RAI1: variants seen among roughly 807,000 people sequenced by gnomAD.
RAI1 encodes retinoic acid induced 1.
RAI1 carries 9 observed loss-of-function variants against 123.8 expected under a neutral mutation model. The ratio of observed to expected loss-of-function variants is 0.07; its 90% CI spans 0.04 to 0.13. The LOEUF is 0.13. Ranked by LOEUF, RAI1 falls within the 10% of genes least tolerant of loss-of-function variation. The pLI is 1.00. For synonymous variants in RAI1, 1,231 were observed against 1,127.3 expected (o/e 1.09, Z -1.84); for missense variants, 2,256 against 2,545.8 (o/e 0.89, Z 2.45).
Position 17,810,103 on chromosome 17 carries a change from A to G in RAI1, c.*122A>G. On this transcript the variant is annotated 3_prime_UTR_variant, in exon 6 of 6. Coordinates refer to ENST00000353383, the MANE Select transcript of RAI1 (RefSeq NM_030665.4). The surrounding 1 kb of genome is among the most constrained non-coding windows in gnomAD (Gnocchi z 4.6). ...TGCTCCCAGCGCTGGTCCAGAGCCG[A>G]TCCTTGATCCGGGTCCCGGATCGTG... is the stretch of plus-strand genomic sequence containing the variant. 1 of 1,326,882 alleles carries G rather than the reference A, an allele frequency of 7.5e-7. No individual in the cohort carries two copies. The highest frequency in any genetic ancestry group is 1.0e-6 in the Non-Finnish European group (1 of 990,942). The allele number at this position is 1,326,882 out of a possible 1,614,324, so 82.2% of individuals were successfully genotyped here. A position where few individuals can be genotyped will look rare whatever the true frequency, so the allele number is the denominator to read the frequency against.
At position 17,796,784 on chromosome 17, in the gene RAI1, C is replaced by T; in HGVS notation, c.3836C>T (p.Ala1279Val). Residue 1279 changes from alanine (A) to valine (V), a missense_variant, in exon 3 of 6, where the codon GCC becomes GTC. Ala to Val is a moderately conservative substitution (Grantham distance 64, BLOSUM62 0). Around this residue, in one of 7 missense-constraint regions of RAI1, gnomAD observed 322 missense variants for 358.0 expected, o/e 0.90. Coordinates refer to ENST00000353383, the MANE Select transcript of RAI1 (RefSeq NM_030665.4). This position sits in a 1 kb window ranked among gnomAD's most constrained non-coding sequence, Gnocchi z 5.8. Reference sequence around the variant, plus strand: ...AAGAGGATGTCTTCTCCCAAGAAAGCCAAGCCCACCAAGGGCAATGGCGAG... The same window carrying T: ...AAGAGGATGTCTTCTCCCAAGAAAGTCAAGCCCACCAAGGGCAATGGCGAG... ...LFKRMSSPKK[A>V]KPTKGNGEPA... is the part of the protein sequence containing the mutation. 1 of 1,612,894 alleles carries T rather than the reference C, an allele frequency of 6.2e-7. No homozygotes were observed. Among genetic ancestry groups the T allele is most frequent in the South Asian group, 1.1e-5 (1 of 91,076 alleles).
rs1914600219 is a variant in RAI1 at position 17,685,573 on chromosome 17, C to T, written c.-149+3780C>T. Among the ~76,000 whole-genome samples, 1 of 152,228 alleles carries T rather than the reference C, an allele frequency of 6.6e-6. No homozygotes were observed. Among genetic ancestry groups the T allele is most frequent in the African/African-American group, 2.4e-5 (1 of 41,458 alleles). ...AGCCAAACAAGAGGGGAGGACTTGG[C>T]TCAGAAAGAATGGTGGCGGAAGAGG... On this transcript the variant is annotated intron_variant, in intron 1 of 5. Transcript: ENST00000353383. This position sits in a 1 kb window ranked among gnomAD's most constrained non-coding sequence, Gnocchi z 4.0.
At chr17:17,798,962 G>A (rs1370384531) in intron 3 of RAI1, among the ~76,000 whole-genome samples, 2 of 151,734 alleles carry the variant, frequency 1.3e-5, no homozygotes, top group African/African-American at 4.9e-5. Flanking sequence ...CTGGGATGAA[G>A]CTAAGGGCTC....
Position 17,811,146 on chromosome 17 carries a change from C to T in RAI1, c.*1165C>T. 1 of 279,642 alleles carries T rather than the reference C, an allele frequency of 3.6e-6. No homozygotes were observed. The highest frequency in any genetic ancestry group is 7.1e-6 in the Non-Finnish European group (1 of 141,474). 17.3% of individuals were successfully genotyped at this position (279,642 alleles called of 1,614,324 possible). ...CCACGCTTCGATAGGCCTGACGCAG[C>T]CCCCAGCCCAGGGCCGCCCTAGCAA... is the stretch of plus-strand genomic sequence containing the variant. On this transcript the variant is annotated 3_prime_UTR_variant, in exon 6 of 6. Transcript: ENST00000353383.
intron 2 of RAI1, among the ~76,000 whole-genome samples, chr17:17,754,766 C>G (rs547590308): frequency 1.3e-5 from 2 of 152,216 alleles, no homozygotes; most frequent in African/African-American, 4.8e-5. Context: ...GCCACCAGGC[C>G]TCAACTTGGG....
chr17:17,763,614 G>A (rs1026494932), intron 2 of RAI1, among the ~76,000 whole-genome samples: 2 of 152,216 alleles, frequency 1.3e-5, no homozygotes, highest in Non-Finnish European at 2.9e-5. Context: ...AGGTACGGGG[G>A]CCCAGGTCAT....
intron 2 of RAI1, among the ~76,000 whole-genome samples, chr17:17,785,104 C>T (rs2142999824): frequency 6.6e-6 from 1 of 152,348 alleles, no homozygotes. Flanking sequence ...GTGCTGTTTC[C>T]TGTGTGTCTC....
rs1310085619 is a variant in RAI1 at position 17,811,238 on chromosome 17, T to C, written c.*1257T>C. The stretch of plus-strand genomic sequence containing the variant: ...ATATCTGGCCTCGTTATATAGTGTA[T>C]ATATATGTATACATATACATATATA... On this transcript the variant is annotated 3_prime_UTR_variant, in exon 6 of 6. Coordinates refer to ENST00000353383, the MANE Select transcript of RAI1 (RefSeq NM_030665.4). The C allele has an allele frequency of 2.9e-6, 1 of 340,534 alleles. No individual in the cohort carries two copies. Among genetic ancestry groups the C allele is most frequent in the South Asian group, 2.4e-5 (1 of 41,548 alleles). 21.1% of individuals were successfully genotyped at this position (340,534 alleles called of 1,614,324 possible). A position where few individuals can be genotyped will look rare whatever the true frequency, so the allele number is the denominator to read the frequency against.
intron 1 of RAI1, among the ~76,000 whole-genome samples, chr17:17,717,227 T>A (rs186413584): frequency 2.0e-3 from 309 of 152,106 alleles, no homozygotes; most frequent in Non-Finnish European, 3.3e-3. Context: ...CACACCACTG[T>A]CCCCAGCCCC....
chr17:17,708,808 C>T (rs1458372232), intron 1 of RAI1, among the ~76,000 whole-genome samples: 1 of 152,172 alleles, frequency 6.6e-6, no homozygotes, highest in Non-Finnish European at 1.5e-5. Flanking sequence ...AAGTGGACAC[C>T]ATAACTGACC....
At chr17:17,784,575 C>T (rs2031754083) in intron 2 of RAI1, among the ~76,000 whole-genome samples, 1 of 152,184 alleles carries the variant, frequency 6.6e-6, no homozygotes, top group African/African-American at 2.4e-5. Context: ...AGTGTCTTCC[C>T]GTGGCTCGTT....
chr17:17,788,876 C>A (rs149179100), intron 2 of RAI1, among the ~76,000 whole-genome samples: 4 of 152,322 alleles, frequency 2.6e-5, no homozygotes, highest in East Asian at 3.9e-4. Context: ...GGGCCTCAAG[C>A]CTGGGGTCTG....
chr17:17,794,436 G>A lies in RAI1; in HGVS notation c.1488G>A (p.Pro496=), dbSNP rs727504116. 4.4e-5 allele frequency: 71 copies of A among 1,612,730 alleles called. No homozygotes were observed. Among genetic ancestry groups the A allele is most frequent in the African/African-American group, 6.7e-5 (5 of 74,950 alleles). The change falls in exon 3 of 6, where the codon CCG becomes CCA. Residue 496 remains proline (P), a synonymous_variant. Coordinates refer to ENST00000353383, the MANE Select transcript of RAI1 (RefSeq NM_030665.4). The part of the protein sequence containing the change: ...SGYSAEPAGT[P]LSEPPSSTPQ... ...ACTCAGCCGAGCCCGCAGGCACACC[G>A]CTGTCAGAGCCGCCGAGCAGCACGC...
chr17:17,686,603 G>C (rs1006358976), intron 1 of RAI1, among the ~76,000 whole-genome samples: 1 of 149,710 alleles, frequency 6.7e-6, no homozygotes, highest in Non-Finnish European at 1.5e-5. Flanking sequence ...GTGTGTGTGT[G>C]TGTGTGCACG....
chr17:17,750,346 T>C (rs984537715), intron 2 of RAI1, among the ~76,000 whole-genome samples: 2 of 152,198 alleles, frequency 1.3e-5, no homozygotes, highest in Admixed American at 6.5e-5. Context: ...ACAACAGCCC[T>C]ACAGGAGGGT....
chr17:17,695,186 C>T (rs1463857104), intron 1 of RAI1, among the ~76,000 whole-genome samples: 1 of 152,148 alleles, frequency 6.6e-6, no homozygotes, highest in Non-Finnish European at 1.5e-5. Context: ...TCGAGCTCTT[C>T]CCCGGAACTG....
intron 2 of RAI1, among the ~76,000 whole-genome samples, chr17:17,735,594 T>A (rs548258949): frequency 6.6e-6 from 1 of 152,028 alleles, no homozygotes; most frequent in South Asian, 2.1e-4. Context: ...TGACCTCAAG[T>A]GATCCACCTG....
chr17:17,798,910 C>G (rs1005472138), intron 3 of RAI1, among the ~76,000 whole-genome samples: 1 of 152,212 alleles, frequency 6.6e-6, no homozygotes, highest in African/African-American at 2.4e-5. Flanking sequence ...CCGGGCGGTG[C>G]AAGAGCAAGT....
At chr17:17,684,688 A>ATG (rs1567817657) in intron 1 of RAI1, 12 of 51,152 alleles carry the variant, frequency 2.3e-4, no homozygotes, top group South Asian at 1.3e-3. Context: ...ATATATATAT[A>ATG]TATATATATA....
Sources: allele counts gnomAD v4.1 joint callset (sites outside exome capture counted in the v4.1 genomes callset), GRCh38; gene constraint gnomAD v4.1.1; regional missense constraint gnomAD v4.1.1; non-coding constraint Gnocchi (gnomAD v3.1); transcripts MANE v1.5; gene names NCBI Gene and HGNC (gene_info 2026-07-23, HGNC 2026-07-21).